IMPG1: variants seen among roughly 807,000 people sequenced by gnomAD.
IMPG1 encodes the protein interphotoreceptor matrix proteoglycan of 150 kDa.
A neutral mutation model predicts 92.0 loss-of-function variants in IMPG1; 85 were observed. The observed-to-expected ratio is 0.92, with a 90% CI of 0.78 to 1.11. The LOEUF (loss-of-function observed/expected upper bound fraction) is 1.11. Ranked by LOEUF, IMPG1 falls within the 50% of genes least tolerant of loss-of-function variation. The pLI is 0.00. For missense variants in IMPG1, 1,022 were observed against 956.0 expected (o/e 1.07, Z -0.91); for synonymous variants, 367 against 334.1 (o/e 1.10, Z -1.08).
At chr6:75,923,752 C>G in intron 15 of IMPG1, 46 bp from the exon 16 acceptor site, 1 of 1,086,068 alleles carries the variant, frequency 9.2e-7, no homozygotes. Flanking sequence ...TTGGGCTTAT[C>G]AACATTAATA....
At chr6:75,932,202 A>G (rs553879241) in intron 14 of IMPG1, among the ~76,000 whole-genome samples, 1 of 152,366 alleles carries the variant, frequency 6.6e-6, no homozygotes, top group African/African-American at 2.4e-5. Context: ...TCTCACGGCC[A>G]TCCCTTCGTG....
Position 75,933,184 on chromosome 6 carries a change from AG to A in IMPG1, c.2045-2034del, listed in dbSNP as rs200175390. Reference sequence around the variant, plus strand: ...GGGGGCAAAGAGACTTGAGATCAATAGCAGATTCAGGAGAAAAAAGTAGATG... The same window carrying A: ...GGGGGCAAAGAGACTTGAGATCAATACAGATTCAGGAGAAAAAAGTAGATG... On this transcript the variant is annotated intron_variant, in intron 14 of 16. Transcript: ENST00000369950. Among the ~76,000 whole-genome samples, 1,247 of 152,316 alleles carry A rather than the reference AG, an allele frequency of 8.2e-3. 16 individuals carry two copies. The highest frequency in any genetic ancestry group is 0.028 in the African/African-American group (1,150 of 41,548).
intron 12 of IMPG1, among the ~76,000 whole-genome samples, chr6:75,996,826 T>A (rs1325354594): frequency 2.6e-5 from 4 of 152,116 alleles, no homozygotes; most frequent in Non-Finnish European, 5.9e-5. Flanking sequence ...AGAAATATCA[T>A]CTCTGAATGG....
intron 1 of IMPG1, among the ~76,000 whole-genome samples, chr6:76,048,467 G>C (rs1309646697): frequency 6.6e-6 from 1 of 152,146 alleles, no homozygotes; most frequent in Non-Finnish European, 1.5e-5. Flanking sequence ...CTGCGTCTGT[G>C]ATCATAGTCT....
At chr6:75,970,873 A>G (rs1421900936) in intron 12 of IMPG1, among the ~76,000 whole-genome samples, 1 of 152,206 alleles carries the variant, frequency 6.6e-6, no homozygotes, top group African/African-American at 2.4e-5. Context: ...ATAACTTCAT[A>G]TGTAAACTAG....
At chr6:75,963,797 G>T (rs1159900142) in intron 12 of IMPG1, among the ~76,000 whole-genome samples, 1 of 152,150 alleles carries the variant, frequency 6.6e-6, no homozygotes, top group Non-Finnish European at 1.5e-5. Context: ...GGAGCAGAAT[G>T]GACCTCACTG....
Position 75,922,171 on chromosome 6 carries a change from A to C in IMPG1, c.2317-5T>G, listed in dbSNP as rs1440105124. 4 of 1,233,790 alleles carry C rather than the reference A, an allele frequency of 3.2e-6. No homozygotes were observed. In the African/African-American group the frequency reaches 4.4e-5, roughly 14 times the overall value. 76.4% of individuals were successfully genotyped at this position (1,233,790 alleles called of 1,614,324 possible). ...AGAATTTCTTTTACTGATTACCTGA[A>C]AGAGAAATAGTTTTAAGAACTTAAG... On this transcript the variant is annotated splice_polypyrimidine_tract_variant and splice_region_variant and intron_variant, in intron 16 of 16. Coordinates refer to ENST00000369950, the MANE Select transcript of IMPG1 (RefSeq NM_001563.4).
rs771044140 is a variant in IMPG1, at chr6:76,034,353, G to C, written c.469-10C>G. 2 of 1,610,832 alleles carry C rather than the reference G, an allele frequency of 1.2e-6. No individual in the cohort carries two copies. Among genetic ancestry groups the C allele is most frequent in the African/African-American group, 2.7e-5 (2 of 74,838 alleles). On this transcript the variant is annotated splice_polypyrimidine_tract_variant and intron_variant, in intron 3 of 16. Coordinates refer to ENST00000369950, the MANE Select transcript of IMPG1 (RefSeq NM_001563.4). ...TTCTCTGTTTTATTCTCTGCAAAAA[G>C]ATAAAGATAAAATGTAATTTTACCA...
At chr6:75,976,995 TTTGAAAAACC>T (rs1296483073) in intron 12 of IMPG1, among the ~76,000 whole-genome samples, 1 of 152,086 alleles carries the variant, frequency 6.6e-6, no homozygotes, top group Middle Eastern at 3.2e-3. Flanking sequence ...AATGGGTGTG[TTTGAAAAACC>T]TTCTAGGTGA....
rs560729313 is a variant in IMPG1 at position 75,983,475 on chromosome 6, GA to G, written c.1291+19442del. ...AAGGTTGCCAAGAACACAGAATGGG[GA>G]AAGGACAGTCTCTTCAATAAATGGT... On this transcript the variant is annotated intron_variant, in intron 12 of 16. Transcript: ENST00000369950. Among the ~76,000 whole-genome samples, 488 of 152,262 alleles carry G rather than the reference GA, an allele frequency of 3.2e-3. 2 individuals are homozygous for G. The highest frequency in any genetic ancestry group is 0.011 in the African/African-American group (457 of 41,558).
At chr6:76,039,244 A>G (rs776925478) in intron 2 of IMPG1, among the ~76,000 whole-genome samples, 1 of 152,136 alleles carries the variant, frequency 6.6e-6, no homozygotes, top group Non-Finnish European at 1.5e-5. Context: ...ACAAGTTTCC[A>G]GGTGGTGGTG....
intron 2 of IMPG1, among the ~76,000 whole-genome samples, chr6:76,037,680 C>T (rs1169069375): frequency 4.6e-5 from 7 of 152,180 alleles, no homozygotes; most frequent in Non-Finnish European, 7.3e-5. Context: ...TTCTTTCTTA[C>T]ATATTCCACA....
chr6:75,924,642 T>C (rs1582043879), intron 15 of IMPG1, among the ~76,000 whole-genome samples: 1 of 10,624 alleles, frequency 9.4e-5, no homozygotes, highest in Non-Finnish European at 1.5e-4. Flanking sequence ...ATATTATATA[T>C]AATTAATTAT....
At chr6:75,980,755 C>G (rs1393949790) in intron 12 of IMPG1, among the ~76,000 whole-genome samples, 1 of 152,200 alleles carries the variant, frequency 6.6e-6, no homozygotes, top group Admixed American at 6.5e-5. Flanking sequence ...GGGCTGTCTT[C>G]CTTGCTCCTC....
rs145552939 is a variant in IMPG1 at position 76,005,209 on chromosome 6, C to T, written c.1135+78G>A. 4.4e-4 allele frequency: 635 copies of T among 1,430,878 alleles called. 2 individuals are homozygous for T. In the African/African-American group the frequency reaches 7.8e-3, roughly 18 times the overall value. The allele number at this position is 1,430,878 out of a possible 1,614,324, so 88.6% of individuals were successfully genotyped here. A position where few individuals can be genotyped will look rare whatever the true frequency, so the allele number is the denominator to read the frequency against. On this transcript the variant is annotated intron_variant, in intron 10 of 16. Transcript: ENST00000369950. ...CTTTAGAAGACCCAAGTTAAAATGA[C>T]AGTTTCCATGAGACATTCACATTCT...
At position 76,011,175 on chromosome 6, in the gene IMPG1, A is replaced by C; in HGVS notation, c.857T>G (p.Leu286Ter). Reference sequence around the variant, plus strand: ...TGATTCTCTTACTTACCTAAATCCTAACACATGGATTTTTTTGAATCCTGG... The same window carrying C: ...TGATTCTCTTACTTACCTAAATCCTCACACATGGATTTTTTTGAATCCTGG... ...KLPGFKKIHV[L>*]GFRPKKEKDG... Residue 286 changes from leucine (L) to a stop codon, truncating the protein, a stop_gained, in exon 8 of 17, where the codon TTA becomes TGA. Transcript: ENST00000369950. LOFTEE classifies it high-confidence loss of function. 1.3e-6 allele frequency: 2 copies of C among 1,524,858 alleles called. No homozygotes were observed. The allele number at this position is 1,524,858 out of a possible 1,614,324, so 94.5% of individuals were successfully genotyped here.
At chr6:76,044,843 A>C (rs1783909056) in intron 1 of IMPG1, among the ~76,000 whole-genome samples, 1 of 152,106 alleles carries the variant, frequency 6.6e-6, no homozygotes, top group Non-Finnish European at 1.5e-5. Context: ...GGATCCTAAC[A>C]GTTTGTTAAT....
Position 76,002,956 on chromosome 6 carries a change from T to C in IMPG1, c.1253A>G (p.Gln418Arg). Reference sequence around the variant, plus strand: ...CTCTGCTCCGTCCACTGTCTCAAGCTGGGGTTCAACAGGAGGAAGTTCTGG... The same window carrying C: ...CTCTGCTCCGTCCACTGTCTCAAGCCGGGGTTCAACAGGAGGAAGTTCTGG... Reference protein sequence around the residue: ...LSPELPPVEPQLETVDGAEHG... With the variant: ...LSPELPPVEPRLETVDGAEHG... The change falls in exon 12 of 17, where the codon CAG (glutamine) becomes CGG (arginine). Residue 418 changes from glutamine (Q) to arginine (R), a missense_variant. Transcript: ENST00000369950. 6.2e-7 allele frequency: 1 copy of C among 1,613,798 alleles called. No homozygotes were observed. Among genetic ancestry groups the C allele is most frequent in the Non-Finnish European group, 8.5e-7 (1 of 1,179,786 alleles).
chr6:75,968,443 G>GA (rs1025673112), intron 12 of IMPG1, among the ~76,000 whole-genome samples: 5 of 151,948 alleles, frequency 3.3e-5, no homozygotes, highest in African/African-American at 1.2e-4. Context: ...TAGCAATGTA[G>GA]AAAAATTCTA....
Sources: allele counts gnomAD v4.1 joint callset (sites outside exome capture counted in the v4.1 genomes callset), GRCh38; gene constraint gnomAD v4.1.1; transcripts MANE v1.5; gene names NCBI Gene and HGNC (gene_info 2026-07-23, HGNC 2026-07-21).